ANXA8: variants seen among roughly 807,000 people sequenced by gnomAD.
The protein encoded by ANXA8 is annexin A8, also known as VAC-beta.
Under a neutral mutation model 26.8 loss-of-function variants are expected in ANXA8, and 9 were observed. That is an observed-to-expected ratio of 0.34 (90% CI 0.20 to 0.59). ANXA8 has a LOEUF of 0.59. Among genes scored for constraint, ANXA8 ranks in the 20% least tolerant of loss-of-function variants. The pLI is 0.84. For synonymous variants in ANXA8, 39 were observed against 94.8 expected (o/e 0.41, Z 3.42); for missense variants, 83 against 238.5 (o/e 0.35, Z 4.29).
the ANXA8 span, among the ~76,000 whole-genome samples, chr10:47,563,263 A>ATT: frequency 1.7e-5 from 1 of 59,278 alleles, no homozygotes; most frequent in Non-Finnish European, 3.1e-5. Context: ...AAGCAAGCTG[A>ATT]ATTCTTGAAC....
the ANXA8 span, among the ~76,000 whole-genome samples, chr10:47,580,799 G>T: frequency 6.7e-6 from 1 of 149,818 alleles, no homozygotes; most frequent in Non-Finnish European, 1.5e-5. Context: ...AACAGGCCAG[G>T]CTTGGTGGCT....
At chr10:47,986,206 T>C in the ANXA8 span, 1 of 151,674 alleles carries the variant, frequency 6.6e-6, no homozygotes, top group South Asian at 2.1e-4. Flanking sequence ...TTCTTTTCCT[T>C]ACTCACTAGA....
chr10:47,768,042 C>A, the ANXA8 span, among the ~76,000 whole-genome samples: 2 of 149,680 alleles, frequency 1.3e-5, no homozygotes, highest in African/African-American at 5.0e-5. Context: ...CAGCTTCAGT[C>A]TCTTGACCAC....
At chr10:47,628,539 AT>A in the ANXA8 span, among the ~76,000 whole-genome samples, 1 of 150,852 alleles carries the variant, frequency 6.6e-6, no homozygotes, top group Non-Finnish European at 1.5e-5. Context: ...CTTTTTAATT[AT>A]TTAAATAGGT....
At chr10:47,486,739 C>T (rs1840056545), upstream of ANXA8, among the ~76,000 whole-genome samples, 2 of 138,500 alleles carry the variant, frequency 1.4e-5, no homozygotes, top group Admixed American at 7.4e-5. Context: ...CACCTGAGGT[C>T]AGGAGTTTGA....
Position 47,469,940 on chromosome 10 carries a change from G to T in ANXA8, c.925-1034C>A, listed in dbSNP as rs1216986816. On this transcript the variant is annotated intron_variant, in intron 11 of 11. Coordinates refer to ENST00000585281, the MANE Select transcript of ANXA8 (RefSeq NM_001040084.3). Reference sequence around the variant, plus strand: ...GTCACCCAGGCTGGAGTGCAGTGATGCAGTCCTAGCTCACGGCAGCCTTGG... The same window carrying T: ...GTCACCCAGGCTGGAGTGCAGTGATTCAGTCCTAGCTCACGGCAGCCTTGG... Among the ~76,000 whole-genome samples the T allele has an allele frequency of 1.4e-4, 21 of 151,602 alleles. No individual in the cohort carries two copies. In the East Asian group the frequency reaches 3.9e-3, roughly 28 times the overall value.
chr10:47,954,655 CAT>C, the ANXA8 span, among the ~76,000 whole-genome samples: 2 of 151,216 alleles, frequency 1.3e-5, no homozygotes, highest in Non-Finnish European at 2.9e-5. Context: ...CAAAACACCT[CAT>C]GTACTCCATA....
the ANXA8 span, among the ~76,000 whole-genome samples, chr10:47,705,878 C>CT: frequency 1.3e-5 from 2 of 150,516 alleles, no homozygotes; most frequent in Admixed American, 6.6e-5. Context: ...GCGGCGTCCC[C>CT]TTTTTTTGCC....
chr10:47,522,424 C>T, the ANXA8 span, among the ~76,000 whole-genome samples: 3 of 150,238 alleles, frequency 2.0e-5, no homozygotes, highest in South Asian at 6.3e-4. Flanking sequence ...ACACACACAA[C>T]CATTTTTCTG....
the ANXA8 span, among the ~76,000 whole-genome samples, chr10:47,951,773 T>C: frequency 8.5e-6 from 1 of 117,068 alleles, no homozygotes; most frequent in Non-Finnish European, 1.6e-5. Flanking sequence ...ATCGTACCAC[T>C]GCACTCCAGG....
the ANXA8 span, among the ~76,000 whole-genome samples, chr10:47,960,105 C>A: frequency 6.7e-6 from 1 of 148,942 alleles, no homozygotes; most frequent in Non-Finnish European, 1.5e-5. Flanking sequence ...GCCAAGCCAA[C>A]TCCTTCAACT....
chr10:47,958,538 A>G, the ANXA8 span, among the ~76,000 whole-genome samples: 8 of 147,472 alleles, frequency 5.4e-5, no homozygotes, highest in African/African-American at 1.8e-4. Flanking sequence ...GGCAGGGAGG[A>G]AAAGGACTCA....
At chr10:47,668,720 G>C in the ANXA8 span, among the ~76,000 whole-genome samples, 1 of 150,672 alleles carries the variant, frequency 6.6e-6, no homozygotes, top group Admixed American at 6.6e-5. Flanking sequence ...TCTATTTTTT[G>C]TTTTCCTTTG....
the ANXA8 span, among the ~76,000 whole-genome samples, chr10:47,960,681 G>A: frequency 6.7e-5 from 10 of 148,730 alleles, 2 homozygotes; most frequent in East Asian, 4.1e-4. Flanking sequence ...CATGTCACCC[G>A]CACTCAGATT....
chr10:47,659,842 C>T, the ANXA8 span, among the ~76,000 whole-genome samples: 8 of 151,466 alleles, frequency 5.3e-5, no homozygotes, highest in South Asian at 2.1e-4. Flanking sequence ...CTGCAACCTC[C>T]GCCTCCCAGG....
the ANXA8 span, among the ~76,000 whole-genome samples, chr10:47,989,289 T>C: frequency 7.8e-6 from 1 of 128,580 alleles, no homozygotes; most frequent in East Asian, 2.1e-4. Flanking sequence ...GTGGGAGGCA[T>C]CTCAGCTCTC....
At chr10:47,704,811 AAG>A in the ANXA8 span, among the ~76,000 whole-genome samples, 3 of 152,050 alleles carry the variant, frequency 2.0e-5, no homozygotes, top group Non-Finnish European at 4.4e-5. Flanking sequence ...AAATGTAACA[AAG>A]TATGTGCAAG....
chr10:47,944,457 C>T, the ANXA8 span, among the ~76,000 whole-genome samples: 3 of 149,820 alleles, frequency 2.0e-5, no homozygotes, highest in African/African-American at 7.5e-5. Context: ...ACAGACTGTG[C>T]TGAAAGGGCC....
chr10:47,508,946 CATG>C, the ANXA8 span, among the ~76,000 whole-genome samples: 9 of 129,372 alleles, frequency 7.0e-5, 2 homozygotes, highest in African/African-American at 3.2e-4. Flanking sequence ...ACTACTGATT[CATG>C]ATAAAACATT....
Sources: allele counts gnomAD v4.1 joint callset (sites outside exome capture counted in the v4.1 genomes callset), GRCh38; gene constraint gnomAD v4.1.1; transcripts MANE v1.5; gene names NCBI Gene and HGNC (gene_info 2026-07-23, HGNC 2026-07-21).